SCARB1: variants seen among roughly 807,000 people sequenced by gnomAD.
The protein encoded by SCARB1 is CD36 and LIMPII analogous 1.
SCARB1 carries 30 observed loss-of-function variants against 57.2 expected under a neutral mutation model. The observed-to-expected ratio is 0.52, with a 90% CI of 0.39 to 0.71. SCARB1 has a LOEUF of 0.71. SCARB1 is among the 30% of genes least tolerant of loss of function. The pLI, the probability that SCARB1 is intolerant of heterozygous loss-of-function variation, is 0.00. For synonymous variants in SCARB1, 249 were observed against 268.3 expected (o/e 0.93, Z 0.70); for missense variants, 543 against 671.2 (o/e 0.81, Z 2.11).
chr12:124,785,318 C>T (rs539685657), intron 11 of SCARB1: 1 of 152,986 alleles, frequency 6.5e-6, no homozygotes, highest in South Asian at 2.1e-4. Flanking sequence ...GGGTGGCCCG[C>T]CCTGTCCACT....
Position 124,807,711 on chromosome 12 carries a change from G to C in SCARB1, c.1009+50C>G. 6.3e-7 allele frequency: 1 copy of C among 1,588,768 alleles called. No individual in the cohort carries two copies. The highest frequency in any genetic ancestry group is 8.6e-7 in the Non-Finnish European group (1 of 1,158,460). On this transcript the variant is annotated intron_variant, in intron 7 of 12. Transcript: ENST00000261693. This position sits in a 1 kb window ranked among gnomAD's most constrained non-coding sequence, Gnocchi z 5.3. ...CACTGGGCAGATAAACCCTCAGCTG[G>C]CCCCACCCTCACACCCTCCCGCCAT...
At chr12:124,825,869 A>G (rs1406460340) in intron 1 of SCARB1, among the ~76,000 whole-genome samples, 1 of 152,162 alleles carries the variant, frequency 6.6e-6, no homozygotes, top group Non-Finnish European at 1.5e-5. Flanking sequence ...TTGAATACAC[A>G]GAGAGTTGAA....
intron 1 of SCARB1, among the ~76,000 whole-genome samples, chr12:124,856,173 CAG>C (rs1356159322): frequency 6.6e-6 from 1 of 152,252 alleles, no homozygotes; most frequent in African/African-American, 2.4e-5. Context: ...CATGTATGTG[CAG>C]ACACATCAAC....
intron 1 of SCARB1, among the ~76,000 whole-genome samples, chr12:124,818,150 G>A (rs1950814209): frequency 6.6e-6 from 1 of 152,192 alleles, no homozygotes; most frequent in African/African-American, 2.4e-5. Context: ...TCTAAGAGCT[G>A]GGGATGGGAG....
At chr12:124,797,500 C>G (rs186024272) in intron 8 of SCARB1, among the ~76,000 whole-genome samples, 2 of 152,340 alleles carry the variant, frequency 1.3e-5, no homozygotes, top group East Asian at 1.9e-4. Flanking sequence ...TTCCTCTCCC[C>G]GTCGGCCTCA....
chr12:124,848,487 C>T (rs764381657), intron 1 of SCARB1, among the ~76,000 whole-genome samples: 32 of 151,612 alleles, frequency 2.1e-4, no homozygotes, highest in Non-Finnish European at 3.8e-4. Context: ...TCGTGGCCTT[C>T]TTGAGTGGGG....
chr12:124,821,259 C>T lies in SCARB1; in HGVS notation c.127-3552G>A, dbSNP rs957037752. On this transcript the variant is annotated intron_variant, in intron 1 of 12. Coordinates refer to ENST00000261693, the MANE Select transcript of SCARB1 (RefSeq NM_005505.5). ...TCTCACACACACACACACACACACACGCACACACACGCGCACACACACACA... is the reference window on the plus strand; with the variant it reads ...TCTCACACACACACACACACACACATGCACACACACGCGCACACACACACA... 3.6e-4 allele frequency: 129 copies of T among 357,092 alleles called. 4 individuals carry two copies. In the South Asian group the frequency reaches 8.1e-3, roughly 22 times the overall value. The allele number at this position is 357,092 out of a possible 1,614,324, so 22.1% of individuals were successfully genotyped here. A position where few individuals can be genotyped will look rare whatever the true frequency, so the allele number is the denominator to read the frequency against.
chr12:124,778,871 C>T (rs764787437), intron 12 of SCARB1, among the ~76,000 whole-genome samples: 8 of 152,160 alleles, frequency 5.3e-5, no homozygotes, highest in Non-Finnish European at 7.3e-5. Flanking sequence ...GCAAGGGGGG[C>T]GGCCTGTGTG....
rs1952530429 is a variant in SCARB1, at chr12:124,853,955, T to A, written c.126+9640A>T. On this transcript the variant is annotated intron_variant, in intron 1 of 12. Transcript: ENST00000261693. ...TTTAAACATCCTTTCAATAAATATT[T>A]GAGAACCTGCGATTATGTGCTAGGC... 4.6e-5 allele frequency among the ~76,000 whole-genome samples: 7 copies of A among 152,296 alleles called. No homozygotes were observed. The South Asian group carries it at 1.5e-3, about 32-fold the overall frequency.
chr12:124,782,563 A>T, intron 12 of SCARB1, 120 bp downstream of exon 12: 1 of 980,984 alleles, frequency 1.0e-6, no homozygotes. Flanking sequence ...TTCAGTCTGT[A>T]GACACTCCAG....
intron 11 of SCARB1, chr12:124,783,045 G>A: frequency 2.0e-6 from 1 of 510,120 alleles, no homozygotes; most frequent in Non-Finnish European, 3.5e-6. Flanking sequence ...AGCTGAAAAG[G>A]GCTCGTCCAC....
At chr12:124,788,882 C>A (rs770251529) in intron 9 of SCARB1, among the ~76,000 whole-genome samples, 7 of 152,046 alleles carry the variant, frequency 4.6e-5, no homozygotes, top group Non-Finnish European at 8.8e-5. Context: ...GACAAACAGA[C>A]AAACGACAAT....
chr12:124,819,846 G>A (rs990924013), intron 1 of SCARB1, among the ~76,000 whole-genome samples: 7 of 152,226 alleles, frequency 4.6e-5, no homozygotes, highest in East Asian at 1.9e-4. Context: ...CGCACTCCAC[G>A]GGGCCACTTG....
chr12:124,786,477 AAG>A lies in SCARB1; in HGVS notation c.1279_1280del (p.Leu427SerfsTer49), dbSNP rs771135874. On this transcript the variant is annotated frameshift_variant, in exon 11 of 13. Coordinates refer to ENST00000261693, the MANE Select transcript of SCARB1 (RefSeq NM_005505.5). LOFTEE classifies it high-confidence loss of function. ...ACACCAGCTGAGTGTAGAATGTGTG[AAG>A]AGTCTCCCCCTCCATGGCCCCGCTC... Reference protein sequence around the residue: ...AESGAMEGETLHTFYTQLVLM... With the variant: ...AESGAMEGETXHTFYTQLVLM... 1.2e-6 allele frequency: 2 copies of A among 1,614,140 alleles called. No individual in the cohort carries two copies. Among genetic ancestry groups the A allele is most frequent in the South Asian group, 1.1e-5 (1 of 91,082 alleles).
rs762543749 is a variant in SCARB1 at position 124,863,632 on chromosome 12, A to G, written c.89T>C (p.Val30Ala). 2 of 1,599,990 alleles carry G rather than the reference A, an allele frequency of 1.3e-6. No individual in the cohort carries two copies. The highest frequency in any genetic ancestry group is 8.5e-7 in the Non-Finnish European group (1 of 1,173,706). Reference protein sequence around the residue: ...LCAVLGAVMIVMVPSLIKQQV... With the variant: ...LCAVLGAVMIAMVPSLIKQQV... ...CTGCTTGATGAGCGACGGCACCATC[A>G]CGATCATGACAGCGCCCAGCACAGC... Residue 30 changes from valine to alanine, a missense_variant, in exon 1 of 13, where the codon GTG becomes GCG. Coordinates refer to ENST00000261693, the MANE Select transcript of SCARB1 (RefSeq NM_005505.5).
rs1294214157 is a variant in SCARB1 at position 124,807,322 on chromosome 12, T to C, written c.1009+439A>G. Among the ~76,000 whole-genome samples the C allele has an allele frequency of 5.3e-5, 8 of 152,036 alleles. No homozygotes were observed. The highest frequency in any genetic ancestry group is 1.0e-4 in the Non-Finnish European group (7 of 67,990). On this transcript the variant is annotated intron_variant, in intron 7 of 12. Transcript: ENST00000261693. This position sits in a 1 kb window ranked among gnomAD's most constrained non-coding sequence, Gnocchi z 5.3. ...AGAAGAGGGAGGAGAGGAAGAGATA[T>C]GAGGACAGAGTGGATCAGAAGGATG...
chr12:124,804,267 T>C (rs1216716947), intron 7 of SCARB1, among the ~76,000 whole-genome samples: 1 of 152,186 alleles, frequency 6.6e-6, no homozygotes. Context: ...GGTGGCCCCC[T>C]TTCTGCAGGA....
intron 9 of SCARB1, among the ~76,000 whole-genome samples, chr12:124,788,484 C>CT (rs1282574040): frequency 6.6e-6 from 1 of 152,162 alleles, no homozygotes; most frequent in East Asian, 1.9e-4. Flanking sequence ...GGAGGTGAAC[C>CT]TTTTTTCCCT....
intron 1 of SCARB1, among the ~76,000 whole-genome samples, chr12:124,840,538 G>T (rs941198277): frequency 1.3e-5 from 2 of 152,060 alleles, no homozygotes; most frequent in Non-Finnish European, 2.9e-5. Flanking sequence ...GACTCTTGTT[G>T]TTGAGTTGTC....
Sources: allele counts gnomAD v4.1 joint callset (sites outside exome capture counted in the v4.1 genomes callset), GRCh38; gene constraint gnomAD v4.1.1; non-coding constraint Gnocchi (gnomAD v3.1); transcripts MANE v1.5; gene names NCBI Gene and HGNC (gene_info 2026-07-23, HGNC 2026-07-21).